Variants in HDAC9 observed in about 807,000 individuals in gnomAD.
HDAC9 encodes the protein MEF-2 interacting transcription repressor (MITR) protein.
In HDAC9, 41 loss-of-function variants were observed where a neutral mutation model predicts 139.4. That is an observed-to-expected ratio of 0.29 (90% CI 0.23 to 0.38). HDAC9 has a LOEUF of 0.38. HDAC9 is among the 10% of genes least tolerant of loss of function. The pLI, the probability that HDAC9 is intolerant of heterozygous loss-of-function variation, is 1.00. For missense variants in HDAC9, 1,147 were observed against 1,297.0 expected (o/e 0.88, Z 1.78); for synonymous variants, 517 against 476.2 (o/e 1.09, Z -1.12).
At chr7:18,915,596 T>G (rs1803118928) in intron 22 of HDAC9, among the ~76,000 whole-genome samples, 1 of 151,790 alleles carries the variant, frequency 6.6e-6, no homozygotes, top group African/African-American at 2.4e-5. Context: ...CCAGAAGTTT[T>G]GTTTTATGAT....
At chr7:18,557,791 A>C (rs1218395379) in intron 2 of HDAC9, among the ~76,000 whole-genome samples, 2 of 150,848 alleles carry the variant, frequency 1.3e-5, no homozygotes, top group Non-Finnish European at 3.0e-5. Flanking sequence ...ATTTATATAC[A>C]AATTGTTGGT....
chr7:18,644,171 A>G (rs1380379016), intron 8 of HDAC9, among the ~76,000 whole-genome samples: 2 of 152,134 alleles, frequency 1.3e-5, no homozygotes, highest in Non-Finnish European at 2.9e-5. Context: ...AAATGTTTAT[A>G]AGTAAAAAAG....
intron 1 of HDAC9, among the ~76,000 whole-genome samples, chr7:18,426,403 A>T (rs1461386474): frequency 6.6e-6 from 1 of 152,220 alleles, no homozygotes; most frequent in Non-Finnish European, 1.5e-5. Context: ...TTGCTAACAT[A>T]CAATAACAAT....
intron 12 of HDAC9, among the ~76,000 whole-genome samples, chr7:18,687,985 T>C (rs1199878492): frequency 2.0e-5 from 3 of 151,832 alleles, no homozygotes; most frequent in Non-Finnish European, 4.4e-5. Context: ...GTGAGGTAGC[T>C]ATCAGATTTC....
At chr7:18,162,607 T>A (rs1217802947) in intron 2 of HDAC9, 3 of 493,672 alleles carry the variant, frequency 6.1e-6, no homozygotes, top group African/African-American at 3.9e-5. Context: ...CAAGGTAACA[T>A]TCAGATTGAA....
At chr7:18,807,398 G>T (rs375342309) in intron 17 of HDAC9, among the ~76,000 whole-genome samples, 6 of 151,872 alleles carry the variant, frequency 4.0e-5, no homozygotes, top group African/African-American at 1.4e-4. Flanking sequence ...CAACTGTTTT[G>T]TTGACCTTTT....
Position 18,975,828 on chromosome 7 carries a change from G to C in HDAC9, c.3045G>C (p.Arg1015Ser), listed in dbSNP as rs2129337744. The C allele has an allele frequency of 6.2e-7, 1 of 1,613,872 alleles. No homozygotes were observed. The highest frequency in any genetic ancestry group is 8.5e-7 in the Non-Finnish European group (1 of 1,179,812). Residue 1015 changes from arginine (R) to serine (S), a missense_variant, in exon 25 of 26, where the codon AGG becomes AGC. Arg to Ser is a moderately radical substitution (Grantham distance 110). Around this residue, in one of 7 missense-constraint regions of HDAC9, gnomAD observed 407 missense variants for 521.5 expected, o/e 0.78. Coordinates refer to ENST00000686413, the MANE Select transcript of HDAC9 (RefSeq NM_178425.4). ...TAGGCAAGTATTGGAAGTCAGTAAG[G>C]ATGGTGGCTGTGCCAAGGGGCTGTG... ...EIQSKYWKSVRMVAVPRGCAL... is the reference protein window; with the variant it reads ...EIQSKYWKSVSMVAVPRGCAL...
At chr7:18,914,163 A>G (rs147191845) in intron 22 of HDAC9, among the ~76,000 whole-genome samples, 1 of 151,720 alleles carries the variant, frequency 6.6e-6, no homozygotes, top group Non-Finnish European at 1.5e-5. Flanking sequence ...GGTGCTGTCT[A>G]TGCACCAGAA....
At chr7:18,840,413 C>T (rs1394743804) in intron 21 of HDAC9, among the ~76,000 whole-genome samples, 2 of 152,016 alleles carry the variant, frequency 1.3e-5, no homozygotes, top group African/African-American at 4.8e-5. Context: ...CAGAAGGACT[C>T]TCTTGCACTG....
intron 1 of HDAC9, among the ~76,000 whole-genome samples, chr7:18,152,103 A>AT (rs11398845): frequency 0.36 from 52,935 of 145,272 alleles, 10,556 homozygotes; most frequent in African/African-American, 0.55. Flanking sequence ...GTGCTGTCCC[A>AT]TTTTTTTTTT....
chr7:18,985,231 C>A (rs1785244837), intron 25 of HDAC9, among the ~76,000 whole-genome samples: 1 of 152,082 alleles, frequency 6.6e-6, no homozygotes, highest in South Asian at 2.1e-4. Context: ...CCCCCAACCC[C>A]ACAACAGACC....
chr7:18,646,274 C>T (rs1026157725), intron 9 of HDAC9, among the ~76,000 whole-genome samples: 5 of 152,106 alleles, frequency 3.3e-5, no homozygotes, highest in Non-Finnish European at 7.4e-5. Context: ...ATAACTCACA[C>T]ATGGACCACT....
chr7:18,682,004 T>C (rs947766363), intron 12 of HDAC9, among the ~76,000 whole-genome samples: 2 of 152,034 alleles, frequency 1.3e-5, no homozygotes, highest in Non-Finnish European at 2.9e-5. Context: ...AGCCCTTACC[T>C]CTAATTGCAT....
At chr7:18,752,375 C>G (rs1011056541) in intron 14 of HDAC9, among the ~76,000 whole-genome samples, 1 of 152,020 alleles carries the variant, frequency 6.6e-6, no homozygotes, top group East Asian at 1.9e-4. Flanking sequence ...CTTATTCACT[C>G]GACAGAGGAA....
rs560890300 is a variant in HDAC9, at chr7:18,125,407, A to G, written c.-96-36822A>G. Among the ~76,000 whole-genome samples the G allele has an allele frequency of 1.7e-4, 25 of 146,938 alleles. No individual in the cohort carries two copies. The South Asian group carries it at 4.8e-3, about 28-fold the overall frequency. On this transcript the variant is annotated intron_variant, in intron 1 of 12. Coordinates refer to the HDAC9 transcript ENST00000417496. ...ATCTCTTTTTTCCAAGGGAATGTAT[A>G]TATACACTAACACATATATATATGC...
Position 18,803,613 on chromosome 7 carries a change from G to C in HDAC9, c.2322+10161G>C, listed in dbSNP as rs1793478575. Among the ~76,000 whole-genome samples the C allele has an allele frequency of 2.6e-5, 4 of 152,112 alleles. No homozygotes were observed. The South Asian group carries it at 8.3e-4, about 32-fold the overall frequency. ...TTTAAATATCTTCTGTGCTTTTCTGGCTTCCAATTTTGATGAGGAAAAATC... is the reference window on the plus strand; with the variant it reads ...TTTAAATATCTTCTGTGCTTTTCTGCCTTCCAATTTTGATGAGGAAAAATC... On this transcript the variant is annotated intron_variant, in intron 17 of 25. Coordinates refer to ENST00000686413, the MANE Select transcript of HDAC9 (RefSeq NM_178425.4).
chr7:18,934,873 CA>C (rs1781514605), intron 22 of HDAC9, among the ~76,000 whole-genome samples: 1 of 151,878 alleles, frequency 6.6e-6, no homozygotes, highest in African/African-American at 2.4e-5. Flanking sequence ...TTTGTAACGA[CA>C]AAAAAACTGG....
chr7:18,517,236 C>T (rs982775962), intron 2 of HDAC9, among the ~76,000 whole-genome samples: 4 of 152,140 alleles, frequency 2.6e-5, no homozygotes, highest in African/African-American at 2.4e-5. Context: ...TTTAAGAGTC[C>T]GTCATTGTGA....
At chr7:18,729,837 A>G (rs546357763) in intron 13 of HDAC9, among the ~76,000 whole-genome samples, 7 of 152,342 alleles carry the variant, frequency 4.6e-5, no homozygotes, top group Admixed American at 1.3e-4. Context: ...TTTAGAAAAC[A>G]CAGGATTTTG....
Sources: gnomAD v4.1 joint callset for allele counts (sites outside exome capture counted in the v4.1 genomes callset) on GRCh38, gnomAD v4.1.1 for gene constraint, gnomAD v4.1.1 regional missense constraint, MANE v1.5 for transcripts, NCBI Gene and HGNC (gene_info 2026-07-23, HGNC 2026-07-21) for gene names.